GABRB1: variants seen among roughly 807,000 people sequenced by gnomAD.
GABRB1 encodes gamma-aminobutyric acid type A receptor subunit beta1.
Under a neutral mutation model 51.6 loss-of-function variants are expected in GABRB1, and 17 were observed. The ratio of observed to expected loss-of-function variants is 0.33; its 90% CI spans 0.23 to 0.49. GABRB1 has a LOEUF of 0.49. GABRB1 is among the 20% of genes least tolerant of loss of function. The probability of loss-of-function intolerance (pLI) is 0.99; values close to 1 mark genes in which losing one functional copy is unlikely to be tolerated. For synonymous variants in GABRB1, 247 were observed against 218.9 expected, an observed-to-expected ratio of 1.13 and a Z score of -1.14; for missense variants, 410 against 600.6, an observed-to-expected ratio of 0.68 and a Z score of 3.32.
chr4:47,312,393 G>T (rs1388469169), intron 4 of GABRB1, among the ~76,000 whole-genome samples: 6 of 146,954 alleles, frequency 4.1e-5, no homozygotes, highest in African/African-American at 1.0e-4. Context: ...TCACCCTATT[G>T]CACTGAGCAG....
intron 4 of GABRB1, among the ~76,000 whole-genome samples, chr4:47,206,754 A>G (rs1720140172): frequency 6.6e-6 from 1 of 151,880 alleles, no homozygotes; most frequent in Non-Finnish European, 1.5e-5. Flanking sequence ...AGCCAAACAT[A>G]TAAACACAGA....
At chr4:47,136,245 G>T (rs1042214072) in intron 3 of GABRB1, among the ~76,000 whole-genome samples, 8 of 152,134 alleles carry the variant, frequency 5.3e-5, no homozygotes, top group Admixed American at 2.0e-4. Context: ...TCTGACCTCT[G>T]TCTTCGAGAG....
At chr4:47,008,117 A>C (rs973450278) in intron 1 of GABRB1, among the ~76,000 whole-genome samples, 1 of 152,070 alleles carries the variant, frequency 6.6e-6, no homozygotes, top group Non-Finnish European at 1.5e-5. Flanking sequence ...TTAGGTGGCA[A>C]GATGGACATT....
rs377619306 is a variant in GABRB1, at chr4:47,069,397, C to A, written c.240+36913C>A. Among the ~76,000 whole-genome samples the A allele has an allele frequency of 1.0e-3, 158 of 152,160 alleles. 3 individuals are homozygous for A. In the South Asian group the frequency reaches 0.031, roughly 30 times the overall value. ...CATTCTGTTCAGTCCTCCAATGAAC[C>A]CTGTAATCCAAATATTTTGCCAGAG... On this transcript the variant is annotated intron_variant, in intron 3 of 8. Transcript: ENST00000295454.
At chr4:47,381,024 C>T (rs893180037) in intron 5 of GABRB1, among the ~76,000 whole-genome samples, 2 of 152,076 alleles carry the variant, frequency 1.3e-5, no homozygotes, top group African/African-American at 4.8e-5. Flanking sequence ...TTTCCCATGG[C>T]ATTGATAGAG....
At chr4:47,163,956 T>C (rs985116952) in intron 4 of GABRB1, among the ~76,000 whole-genome samples, 1 of 152,026 alleles carries the variant, frequency 6.6e-6, no homozygotes. Flanking sequence ...TCTGCATGGC[T>C]GGGGAGGTGT....
chr4:47,300,091 G>A (rs1175966119), intron 4 of GABRB1, among the ~76,000 whole-genome samples: 3 of 122,248 alleles, frequency 2.5e-5, no homozygotes, highest in Non-Finnish European at 5.0e-5. Context: ...GGACTGTTGT[G>A]GGGTGGGGGG....
At chr4:47,340,572 C>T (rs1263242778) in intron 5 of GABRB1, among the ~76,000 whole-genome samples, 1 of 152,142 alleles carries the variant, frequency 6.6e-6, no homozygotes, top group Non-Finnish European at 1.5e-5. Flanking sequence ...TACTCTCTCA[C>T]ATGGCAGAAG....
At chr4:47,041,504 C>G (rs529918042) in intron 3 of GABRB1, among the ~76,000 whole-genome samples, 1 of 151,900 alleles carries the variant, frequency 6.6e-6, no homozygotes, top group Non-Finnish European at 1.5e-5. Context: ...TCAGATATAT[C>G]AGGAAAAATT....
chr4:47,234,741 T>C (rs1293811252), intron 4 of GABRB1, among the ~76,000 whole-genome samples: 1 of 152,160 alleles, frequency 6.6e-6, no homozygotes, highest in African/African-American at 2.4e-5. Context: ...TAGATCTGAG[T>C]GTATGTTTTG....
chr4:47,390,490 A>T (rs1381292034), intron 5 of GABRB1, among the ~76,000 whole-genome samples: 2 of 152,236 alleles, frequency 1.3e-5, no homozygotes, highest in East Asian at 3.8e-4. Flanking sequence ...TACCAAAAGA[A>T]TACTAACATC....
At chr4:47,221,372 C>T (rs149608260) in intron 4 of GABRB1, among the ~76,000 whole-genome samples, 56 of 152,086 alleles carry the variant, frequency 3.7e-4, no homozygotes, top group Non-Finnish European at 7.1e-4. Context: ...TAAGCACCTA[C>T]AAGTGACATT....
chr4:47,098,473 C>G (rs1345945907), intron 3 of GABRB1, among the ~76,000 whole-genome samples: 1 of 152,026 alleles, frequency 6.6e-6, no homozygotes, highest in Non-Finnish European at 1.5e-5. Context: ...ATTAGGGTTT[C>G]TACAAAATGT....
intron 1 of GABRB1, among the ~76,000 whole-genome samples, chr4:47,025,970 T>C (rs918338198): frequency 6.6e-6 from 1 of 152,006 alleles, no homozygotes; most frequent in African/African-American, 2.4e-5. Context: ...CTCAACTTGG[T>C]GAATTTCAAG....
chr4:47,014,859 A>G (rs1184524737), intron 1 of GABRB1, among the ~76,000 whole-genome samples: 1 of 152,048 alleles, frequency 6.6e-6, no homozygotes, highest in Non-Finnish European at 1.5e-5. Context: ...AAGACATAAG[A>G]TGAAGTTTGG....
In GABRB1 at chr4:47,086,853, A is replaced by G. The variant is rs556380852; in HGVS notation, c.240+54369A>G. On this transcript the variant is annotated intron_variant, in intron 3 of 8. Coordinates refer to ENST00000295454, the MANE Select transcript of GABRB1 (RefSeq NM_000812.4). The stretch of plus-strand genomic sequence containing the variant: ...TGGCTAAGGGCTGCTGGAGCGTGGT[A>G]CCTCAGTACTGCTTCTGATACCTCC... 7.9e-5 allele frequency among the ~76,000 whole-genome samples: 12 copies of G among 152,232 alleles called. No homozygotes were observed. In the East Asian group the frequency reaches 1.5e-3, roughly 20 times the overall value.
chr4:47,260,541 G>A (rs1299161504), intron 4 of GABRB1, among the ~76,000 whole-genome samples: 25 of 152,140 alleles, frequency 1.6e-4, no homozygotes, highest in African/African-American at 6.0e-4. Context: ...AAATCTCTCA[G>A]CATTTGATTG....
At chr4:47,102,374 T>C (rs191386576) in intron 3 of GABRB1, among the ~76,000 whole-genome samples, 24 of 152,158 alleles carry the variant, frequency 1.6e-4, no homozygotes, top group African/African-American at 5.5e-4. Flanking sequence ...ATGGAAATGA[T>C]CTTGTCCCTA....
chr4:47,243,243 A>C (rs1721603656), intron 4 of GABRB1, among the ~76,000 whole-genome samples: 1 of 152,116 alleles, frequency 6.6e-6, no homozygotes, highest in Non-Finnish European at 1.5e-5. Context: ...CCATTGGTCT[A>C]TATCTCTGTT....
Sources: gnomAD v4.1 joint callset for allele counts (sites outside exome capture counted in the v4.1 genomes callset) on GRCh38, gnomAD v4.1.1 for gene constraint, MANE v1.5 for transcripts, NCBI Gene and HGNC (gene_info 2026-07-23, HGNC 2026-07-21) for gene names.